Variants in ENPP6 observed in about 807,000 individuals in gnomAD.
ENPP6 encodes the protein glycerophosphocholine cholinephosphodiesterase ENPP6.
A neutral mutation model predicts 42.0 loss-of-function variants in ENPP6; 32 were observed. That is an observed-to-expected ratio of 0.76 (90% CI 0.58 to 1.02). The LOEUF is 1.02. ENPP6 is among the 50% of genes least tolerant of loss of function. The pLI is 0.00. For missense variants in ENPP6, 552 were observed against 566.8 expected (o/e 0.97, Z 0.27); for synonymous variants, 213 against 216.0 (o/e 0.99, Z 0.12).
At chr4:184,141,232 T>A (rs1426510175) in intron 2 of ENPP6, among the ~76,000 whole-genome samples, 1 of 152,182 alleles carries the variant, frequency 6.6e-6, no homozygotes, top group Admixed American at 6.5e-5. Context: ...ATCAGGAGTC[T>A]GTGGGCCCCT....
chr4:184,104,576 G>A (rs1736055747), intron 6 of ENPP6, among the ~76,000 whole-genome samples: 1 of 152,198 alleles, frequency 6.6e-6, no homozygotes, highest in Non-Finnish European at 1.5e-5. Flanking sequence ...GTAGCTCTGG[G>A]TCAACTGAGG....
At chr4:184,177,558 G>A (rs529294323) in intron 1 of ENPP6, among the ~76,000 whole-genome samples, 7 of 152,194 alleles carry the variant, frequency 4.6e-5, no homozygotes, top group African/African-American at 1.7e-4. Context: ...TGACTCCTGA[G>A]CGGTTGAGAC....
intron 6 of ENPP6, among the ~76,000 whole-genome samples, chr4:184,109,977 C>T (rs530570798): frequency 1.9e-4 from 29 of 152,094 alleles, no homozygotes; most frequent in African/African-American, 5.3e-4. Flanking sequence ...GAGTGTGGGG[C>T]GGGAGGATGT....
At chr4:184,100,933 T>C (rs1735990218) in intron 6 of ENPP6, among the ~76,000 whole-genome samples, 1 of 151,994 alleles carries the variant, frequency 6.6e-6, no homozygotes, top group South Asian at 2.1e-4. Context: ...AGAGCTCAGC[T>C]TTAGTGAGGG....
intron 1 of ENPP6, among the ~76,000 whole-genome samples, chr4:184,194,765 A>G (rs144632694): frequency 8.5e-4 from 130 of 152,290 alleles, no homozygotes; most frequent in Middle Eastern, 3.4e-3. Context: ...TACAATGGGG[A>G]AGGCTGGCGT....
intron 2 of ENPP6, among the ~76,000 whole-genome samples, chr4:184,151,639 T>A (rs1392249529): frequency 6.6e-6 from 1 of 152,214 alleles, no homozygotes; most frequent in Non-Finnish European, 1.5e-5. Flanking sequence ...GCCACATTCA[T>A]CTTGATGCTC....
chr4:184,160,040 T>C (rs1737236082), intron 1 of ENPP6, among the ~76,000 whole-genome samples: 1 of 152,268 alleles, frequency 6.6e-6, no homozygotes, highest in South Asian at 2.1e-4. Context: ...ATTTTCTTTA[T>C]CCACTCATTG....
intron 5 of ENPP6, among the ~76,000 whole-genome samples, chr4:184,114,241 C>T (rs181336278): frequency 1.3e-5 from 2 of 152,218 alleles, no homozygotes; most frequent in African/African-American, 4.8e-5. Flanking sequence ...GCTGGGATTA[C>T]AGGCGTCAGC....
At position 184,217,831 on chromosome 4, in the gene ENPP6, C is replaced by A; in HGVS notation, c.-12G>T. Reference sequence around the variant, plus strand: ...AGCTTCACTGCCATGCTGCCAGGAGCCTGCCAGAGCCCGGCTGGCACAGCT... The same window carrying A: ...AGCTTCACTGCCATGCTGCCAGGAGACTGCCAGAGCCCGGCTGGCACAGCT... On this transcript the variant is annotated 5_prime_UTR_variant, in exon 1 of 8. Coordinates refer to ENST00000296741, the MANE Select transcript of ENPP6 (RefSeq NM_153343.4). 1 of 1,611,740 alleles carries A rather than the reference C, an allele frequency of 6.2e-7. No homozygotes were observed. Among genetic ancestry groups the A allele is most frequent in the South Asian group, 1.1e-5 (1 of 90,830 alleles).
intron 2 of ENPP6, among the ~76,000 whole-genome samples, chr4:184,146,434 AAAAAAAAG>A (rs1736924108): frequency 7.5e-6 from 1 of 133,318 alleles, no homozygotes; most frequent in Non-Finnish European, 1.7e-5. Flanking sequence ...CGTTTCAAAA[AAAAAAAAG>A]AAAGAAAGAA....
chr4:184,098,629 G>A (rs1473472966), intron 6 of ENPP6, among the ~76,000 whole-genome samples: 1 of 152,102 alleles, frequency 6.6e-6, no homozygotes, highest in Non-Finnish European at 1.5e-5. Context: ...TTTGGGATGG[G>A]TTCCGGAACC....
In ENPP6 at chr4:184,089,680, T is replaced by A. The variant is rs1214979759; in HGVS notation, c.*1497A>T. On this transcript the variant is annotated 3_prime_UTR_variant, in exon 8 of 8. Transcript: ENST00000296741. ...CTTTTATGTTTTGTAGAGATGGGGGTCGCCCTGTGTTGCCCAAGTTAGTCT... is the reference window on the plus strand; with the variant it reads ...CTTTTATGTTTTGTAGAGATGGGGGACGCCCTGTGTTGCCCAAGTTAGTCT... The A allele has an allele frequency of 6.7e-6, 1 of 149,628 alleles. No individual in the cohort carries two copies. The highest frequency in any genetic ancestry group is 1.5e-5 in the Non-Finnish European group (1 of 67,244). The allele number at this position is 149,628 out of a possible 1,614,324, so 9.3% of individuals were successfully genotyped here. A position where few individuals can be genotyped will look rare whatever the true frequency, so the allele number is the denominator to read the frequency against.
At chr4:184,166,195 A>G (rs919307098) in intron 1 of ENPP6, among the ~76,000 whole-genome samples, 1 of 152,204 alleles carries the variant, frequency 6.6e-6, no homozygotes, top group Non-Finnish European at 1.5e-5. Context: ...CAATTTGCAC[A>G]TCTTTAAAAG....
chr4:184,109,357 G>T (rs1002072657), intron 6 of ENPP6, among the ~76,000 whole-genome samples: 4 of 152,192 alleles, frequency 2.6e-5, no homozygotes, highest in Non-Finnish European at 4.4e-5. Flanking sequence ...TGCAGTAGTT[G>T]TCACTGACTA....
rs1735776421 is a variant in ENPP6 at position 184,090,841 on chromosome 4, T to A, written c.*336A>T. 1 of 420,336 alleles carries A rather than the reference T, an allele frequency of 2.4e-6. No homozygotes were observed. The highest frequency in any genetic ancestry group is 4.2e-6 in the Non-Finnish European group (1 of 238,908). 26.0% of individuals were successfully genotyped at this position (420,336 alleles called of 1,614,324 possible). On this transcript the variant is annotated 3_prime_UTR_variant, in exon 8 of 8. Transcript: ENST00000296741. Reference sequence around the variant, plus strand: ...GGACAGAGAGGGGCCCAGAGCCACGTCTGTCTGCAATAACCACTCCAAGTT... The same window carrying A: ...GGACAGAGAGGGGCCCAGAGCCACGACTGTCTGCAATAACCACTCCAAGTT...
At position 184,107,146 on chromosome 4, in the gene ENPP6, G is replaced by A. The variant is rs564032103; in HGVS notation, c.993+5526C>T. On this transcript the variant is annotated intron_variant, in intron 6 of 7. Coordinates refer to ENST00000296741, the MANE Select transcript of ENPP6 (RefSeq NM_153343.4). ...TGGAGCCAACCTGGGCGGGACTTCCGTGCTCTGGGGAAGAGTGTGATCTTC... is the reference window on the plus strand; with the variant it reads ...TGGAGCCAACCTGGGCGGGACTTCCATGCTCTGGGGAAGAGTGTGATCTTC... 3.9e-5 allele frequency among the ~76,000 whole-genome samples: 6 copies of A among 152,152 alleles called. No individual in the cohort carries two copies. The South Asian group carries it at 1.0e-3, about 26-fold the overall frequency.
Position 184,148,591 on chromosome 4 carries a change from T to G in ENPP6, c.421+4963A>C, listed in dbSNP as rs116979559. Among the ~76,000 whole-genome samples, 111 of 152,324 alleles carry G rather than the reference T, an allele frequency of 7.3e-4. No homozygotes were observed. In the East Asian group the frequency reaches 0.013, roughly 18 times the overall value. On this transcript the variant is annotated intron_variant, in intron 2 of 7. Coordinates refer to ENST00000296741, the MANE Select transcript of ENPP6 (RefSeq NM_153343.4). The stretch of plus-strand genomic sequence containing the variant: ...ACAATCTCACTCTTGAGATGTGAAT[T>G]TGCAATCCTTTTCTTGCTGACACAG...
intron 2 of ENPP6, among the ~76,000 whole-genome samples, chr4:184,127,913 T>TGCCAG (rs1736531801): frequency 6.6e-6 from 1 of 151,446 alleles, no homozygotes; most frequent in Non-Finnish European, 1.5e-5. Flanking sequence ...TGGGAGAGAG[T>TGCCAG]GCCAGGGAAG....
At chr4:184,123,791 A>G (rs1736457569) in intron 3 of ENPP6, among the ~76,000 whole-genome samples, 1 of 152,196 alleles carries the variant, frequency 6.6e-6, no homozygotes, top group Admixed American at 6.5e-5. Flanking sequence ...TCCCAAACTT[A>G]TTTGACCACA....
Sources: allele counts gnomAD v4.1 joint callset (sites outside exome capture counted in the v4.1 genomes callset), GRCh38; gene constraint gnomAD v4.1.1; transcripts MANE v1.5; gene names NCBI Gene and HGNC (gene_info 2026-07-23, HGNC 2026-07-21).